Variants in ANO1 observed in about 807,000 individuals in gnomAD.
ANO1 encodes the protein anoctamin-1.
ANO1 carries 59 observed loss-of-function variants against 124.0 expected under a neutral mutation model. That is an observed-to-expected ratio of 0.48 (90% confidence interval 0.39 to 0.59). ANO1 has a LOEUF of 0.59. ANO1 is among the 20% of genes least tolerant of loss of function. ANO1 has a pLI of 0.00. For missense variants in ANO1, 1,059 were observed against 1,328.0 expected, an observed-to-expected ratio of 0.80 and a Z score of 3.15; for synonymous variants, 529 against 532.0, an observed-to-expected ratio of 0.99 and a Z score of 0.08.
At chr11:70,021,870 C>T (rs1856816531) in intron 1 of ANO1, among the ~76,000 whole-genome samples, 1 of 152,144 alleles carries the variant, frequency 6.6e-6, no homozygotes, top group Admixed American at 6.5e-5. Flanking sequence ...GAACTGAATC[C>T]CAAAGAGTGC....
intron 1 of ANO1, among the ~76,000 whole-genome samples, chr11:69,994,614 A>C (rs1278774996): frequency 6.6e-6 from 1 of 152,224 alleles, no homozygotes; most frequent in Non-Finnish European, 1.5e-5. Context: ...AACTCTCTTC[A>C]ATACTTGGTA....
intron 1 of ANO1, among the ~76,000 whole-genome samples, chr11:70,056,832 T>G (rs1591061593): frequency 4.4e-5 from 1 of 22,674 alleles, no homozygotes; most frequent in African/African-American, 1.1e-4. Context: ...TTTTACATCT[T>G]TTTTTTTTTT....
At chr11:70,004,610 C>T (rs1856449436) in intron 1 of ANO1, among the ~76,000 whole-genome samples, 1 of 152,212 alleles carries the variant, frequency 6.6e-6, no homozygotes, top group Admixed American at 6.5e-5. Flanking sequence ...TCCTGGCTCT[C>T]AGAGCTTGCA....
chr11:70,044,756 T>C (rs1299976357), intron 1 of ANO1, among the ~76,000 whole-genome samples: 1 of 152,214 alleles, frequency 6.6e-6, no homozygotes, highest in Non-Finnish European at 1.5e-5. Flanking sequence ...TCTTTAAAAC[T>C]GTTATGATCA....
chr11:70,026,761 C>A (rs1038033115), intron 1 of ANO1, among the ~76,000 whole-genome samples: 1 of 152,114 alleles, frequency 6.6e-6, no homozygotes, highest in Non-Finnish European at 1.5e-5. Context: ...TTCTGAGCTG[C>A]GGATCCTGCA....
At chr11:70,096,780 GA>G (rs2044989553) in intron 2 of ANO1, among the ~76,000 whole-genome samples, 1 of 152,120 alleles carries the variant, frequency 6.6e-6, no homozygotes, top group Non-Finnish European at 1.5e-5. Context: ...AGAATTGCTG[GA>G]ACCTGGGAGG....
chr11:70,154,022 T>C (rs1447319630), intron 14 of ANO1, among the ~76,000 whole-genome samples: 2 of 152,114 alleles, frequency 1.3e-5, no homozygotes, highest in African/African-American at 4.8e-5. Context: ...CGCCTTGGCC[T>C]CCCAAAGTGC....
At chr11:70,152,334 CAAAAAAAAAA>C (rs56895585) in intron 12 of ANO1, 106 bp from the exon 13 acceptor site, 5 of 436,750 alleles carry the variant, frequency 1.1e-5, no homozygotes, top group African/African-American at 3.7e-5. Context: ...GACTCCATCT[CAAAAAAAAAA>C]AAAAAAAAAA....
At chr11:70,052,531 C>CTTTTTTTTCTTTTTTTTT (rs1857365075) in intron 1 of ANO1, among the ~76,000 whole-genome samples, 1 of 65,932 alleles carries the variant, frequency 1.5e-5, no homozygotes, top group African/African-American at 5.6e-5. Flanking sequence ...TTTTTCTTTT[C>CTTTTTTTTCTTTTTTTTT]TTTTTTTTTT....
chr11:70,185,309 C>T lies in ANO1; in HGVS notation c.2589-281C>T, dbSNP rs77416033. On this transcript the variant is annotated intron_variant, in intron 24 of 25. Transcript: ENST00000355303. ...TGGTCCCCACCCTTGATTCTGTGAG[C>T]CCACGGCTGGGCCTGGGGATACTTC... 1.4e-3 allele frequency among the ~76,000 whole-genome samples: 220 copies of T among 152,356 alleles called. 2 individuals carry two copies. In the East Asian group the frequency reaches 0.03, roughly 21 times the overall value.
intron 1 of ANO1, among the ~76,000 whole-genome samples, chr11:70,058,988 C>G (rs1287956111): frequency 6.6e-6 from 1 of 151,544 alleles, no homozygotes; most frequent in African/African-American, 2.4e-5. Context: ...TCAAGACCAT[C>G]CTGGCTAACA....
At chr11:70,106,409 T>C (rs2045548692) in intron 5 of ANO1, among the ~76,000 whole-genome samples, 1 of 152,196 alleles carries the variant, frequency 6.6e-6, no homozygotes, top group Non-Finnish European at 1.5e-5. Context: ...TTATTCTCTA[T>C]TCCCTGCCCA....
At position 70,161,185 on chromosome 11, in the gene ANO1, C is replaced by A; in HGVS notation, c.1603C>A (p.Leu535Ile). ...GATTGCAGTGACGTTTGCCATCGTC[C>A]TCGGCGTCATCATCTACAGAATCTC... ...FMIAVTFAIV[L>I]GVIIYRISMA... The change falls in exon 17 of 26, where the codon CTC becomes ATC. Residue 535 changes from leucine (L) to isoleucine (I), a missense_variant. Transcript: ENST00000355303. 1.9e-6 allele frequency: 3 copies of A among 1,613,890 alleles called. No individual in the cohort carries two copies. Among genetic ancestry groups the A allele is most frequent in the Non-Finnish European group, 2.5e-6 (3 of 1,179,882 alleles).
At chr11:70,104,216 G>T (rs926198281) in intron 4 of ANO1, 66 bp downstream of exon 4, 417 of 1,484,930 alleles carry the variant, frequency 2.8e-4, no homozygotes, top group Middle Eastern at 5.8e-4. Flanking sequence ...CTTCTAGCAT[G>T]AGAAATGCAG....
chr11:70,165,416 G>C (rs2135732328), intron 19 of ANO1, 54 bp from the exon 20 acceptor site: 1 of 1,469,478 alleles, frequency 6.8e-7, no homozygotes, highest in Non-Finnish European at 9.3e-7. Flanking sequence ...TGCAGGGCTG[G>C]GGTCCCTCTC....
chr11:70,093,537 G>A (rs1292061854), intron 2 of ANO1, among the ~76,000 whole-genome samples: 1 of 152,206 alleles, frequency 6.6e-6, no homozygotes, highest in Non-Finnish European at 1.5e-5. Flanking sequence ...TGTGTGCTGG[G>A]GGGCGGCTGA....
At chr11:70,066,848 G>A (rs1054089545) in intron 1 of ANO1, among the ~76,000 whole-genome samples, 23 of 152,080 alleles carry the variant, frequency 1.5e-4, no homozygotes, top group Non-Finnish European at 2.5e-4. Context: ...ACTCTGCCCC[G>A]GCCTGGTTGC....
At chr11:70,133,931 T>C (rs2046856857) in intron 11 of ANO1, among the ~76,000 whole-genome samples, 1 of 152,212 alleles carries the variant, frequency 6.6e-6, no homozygotes, top group African/African-American at 2.4e-5. Context: ...ACCAACACTG[T>C]ATCTCATTCC....
intron 2 of ANO1, among the ~76,000 whole-genome samples, chr11:70,100,382 T>A (rs1391537543): frequency 6.6e-6 from 1 of 152,172 alleles, no homozygotes; most frequent in African/African-American, 2.4e-5. Flanking sequence ...ATAAATCCAA[T>A]AGCAGAGAAT....
Sources: gnomAD v4.1 joint callset for allele counts (sites outside exome capture counted in the v4.1 genomes callset) on GRCh38, gnomAD v4.1.1 for gene constraint, MANE v1.5 for transcripts, NCBI Gene and HGNC (gene_info 2026-07-23, HGNC 2026-07-21) for gene names.